MBD5: variants seen among roughly 807,000 people sequenced by gnomAD.
The protein encoded by MBD5 is methyl-CpG-binding domain protein 5.
Under a neutral mutation model 117.3 loss-of-function variants are expected in MBD5, and 13 were observed. The ratio of observed to expected loss-of-function variants is 0.11; its 90% CI spans 0.07 to 0.18. The LOEUF (loss-of-function observed/expected upper bound fraction) is 0.18. Ranked by LOEUF, MBD5 falls within the 10% of genes least tolerant of loss-of-function variation. The pLI, the probability that MBD5 is intolerant of heterozygous loss-of-function variation, is 1.00. For synonymous variants in MBD5, 727 were observed against 766.4 expected, an observed-to-expected ratio of 0.95 and a Z score of 0.85; for missense variants, 1,879 against 2,093.8, an observed-to-expected ratio of 0.90 and a Z score of 2.00.
At chr2:148,258,750 A>G (rs1281898057) in intron 3 of MBD5, among the ~76,000 whole-genome samples, 4 of 152,076 alleles carry the variant, frequency 2.6e-5, no homozygotes, top group African/African-American at 4.8e-5. Context: ...CTCTTGGTCA[A>G]CCCCAGCCAA....
intron 4 of MBD5, among the ~76,000 whole-genome samples, chr2:148,441,309 T>A (rs1471955220): frequency 6.6e-6 from 1 of 152,088 alleles, no homozygotes; most frequent in African/African-American, 2.4e-5. Flanking sequence ...ACTGTGTCCA[T>A]GCGTTCTCAT....
At chr2:148,480,992 A>T (rs1681131747) in intron 8 of MBD5, among the ~76,000 whole-genome samples, 2 of 152,170 alleles carry the variant, frequency 1.3e-5, no homozygotes, top group South Asian at 4.1e-4. Flanking sequence ...CAGCACCACT[A>T]CTATGACTAC....
intron 1 of MBD5, among the ~76,000 whole-genome samples, chr2:148,095,648 C>T (rs1696050379): frequency 1.3e-5 from 2 of 151,784 alleles, no homozygotes; most frequent in South Asian, 4.2e-4. Context: ...CAGATGTGCA[C>T]ATTTATATAG....
chr2:148,251,122 G>A (rs948639223), intron 3 of MBD5, among the ~76,000 whole-genome samples: 3 of 152,066 alleles, frequency 2.0e-5, no homozygotes, highest in East Asian at 1.9e-4. Context: ...AAAGGGTGTC[G>A]GGCAAAAGGG....
intron 4 of MBD5, among the ~76,000 whole-genome samples, chr2:148,381,656 T>A (rs1253785216): frequency 2.6e-5 from 4 of 152,020 alleles, no homozygotes; most frequent in Non-Finnish European, 5.9e-5. Context: ...CACATAATTA[T>A]CAGATTTACC....
chr2:148,093,044 C>T (rs751626769), intron 1 of MBD5, among the ~76,000 whole-genome samples: 21 of 151,722 alleles, frequency 1.4e-4, no homozygotes, highest in Non-Finnish European at 2.8e-4. Context: ...CAGCCTCTCG[C>T]GTAGGTGGGA....
At chr2:148,447,381 T>C (rs1706593468) in intron 4 of MBD5, among the ~76,000 whole-genome samples, 1 of 152,180 alleles carries the variant, frequency 6.6e-6, no homozygotes, top group African/African-American at 2.4e-5. Flanking sequence ...CTTATGGTTT[T>C]AGCTGGCTTA....
At chr2:148,306,535 C>G (rs1014900139) in intron 3 of MBD5, among the ~76,000 whole-genome samples, 1 of 151,806 alleles carries the variant, frequency 6.6e-6, no homozygotes, top group African/African-American at 2.4e-5. Context: ...AGAGATTAGG[C>G]AGGGAGAAAA....
chr2:148,077,820 A>AATC, intron 1 of MBD5, among the ~76,000 whole-genome samples: 1 of 152,270 alleles, frequency 6.6e-6, no homozygotes, highest in Middle Eastern at 3.4e-3. Context: ...GGGTAGGGTG[A>AATC]ACAACAGGAA....
Position 148,516,894 on chromosome 2 carries a change from G to A in MBD5, c.*3953G>A, listed in dbSNP as rs750366058. 3 of 152,240 alleles carry A rather than the reference G, an allele frequency of 2.0e-5. No individual in the cohort carries two copies. Among genetic ancestry groups the A allele is most frequent in the Non-Finnish European group, 4.4e-5 (3 of 68,018 alleles). 9.4% of individuals were successfully genotyped at this position (152,240 alleles called of 1,614,324 possible). A position where few individuals can be genotyped will look rare whatever the true frequency, so the allele number is the denominator to read the frequency against. The stretch of plus-strand genomic sequence containing the variant: ...TAAATTGGAAAATTTGATGCCAGAT[G>A]GCTTCATAATATACAAATGTGTTTT... On this transcript the variant is annotated 3_prime_UTR_variant, in exon 14 of 14. Coordinates refer to ENST00000642680, the MANE Select transcript of MBD5 (RefSeq NM_001378120.1).
rs1019292988 is a variant in MBD5, at chr2:148,067,412, A to T, written c.-925+45728A>T. Among the ~76,000 whole-genome samples the T allele has an allele frequency of 5.9e-5, 9 of 152,298 alleles. No homozygotes were observed. In the South Asian group the frequency reaches 8.3e-4, roughly 14 times the overall value. On this transcript the variant is annotated intron_variant, in intron 1 of 13. Coordinates refer to ENST00000642680, the MANE Select transcript of MBD5 (RefSeq NM_001378120.1). ...AGAGCAAGCTAAACAAAACTTTAAG[A>T]TTTTAGTAAACATTTTATTTGCCAA...
intron 3 of MBD5, among the ~76,000 whole-genome samples, chr2:148,336,850 T>C (rs1358384525): frequency 6.6e-6 from 1 of 152,230 alleles, no homozygotes; most frequent in African/African-American, 2.4e-5. Context: ...CATCTACTTA[T>C]GTCAGTTCCG....
At chr2:148,350,717 T>C (rs1428190299) in intron 4 of MBD5, among the ~76,000 whole-genome samples, 3 of 152,062 alleles carry the variant, frequency 2.0e-5, no homozygotes, top group Non-Finnish European at 4.4e-5. Context: ...TTAGCATCTA[T>C]CCTGCTAAAA....
intron 4 of MBD5, among the ~76,000 whole-genome samples, chr2:148,452,807 C>T (rs993279907): frequency 6.6e-6 from 1 of 152,120 alleles, no homozygotes; most frequent in Non-Finnish European, 1.5e-5. Context: ...TTTTTGAACA[C>T]AGAAATTATC....
chr2:148,117,124 A>G (rs1450215625), intron 1 of MBD5, among the ~76,000 whole-genome samples: 1 of 152,172 alleles, frequency 6.6e-6, no homozygotes, highest in Non-Finnish European at 1.5e-5. Context: ...ATAACTAACA[A>G]ATAATTTTCC....
chr2:148,382,787 T>C (rs1425941848), intron 4 of MBD5, among the ~76,000 whole-genome samples: 3 of 151,970 alleles, frequency 2.0e-5, no homozygotes, highest in African/African-American at 4.8e-5. Context: ...AACTAGAACT[T>C]GGGATTAAGA....
intron 2 of MBD5, among the ~76,000 whole-genome samples, chr2:148,225,662 G>A (rs1699801243): frequency 6.6e-6 from 1 of 152,104 alleles, no homozygotes; most frequent in South Asian, 2.1e-4. Flanking sequence ...AAATCCCTAA[G>A]CTTTTGTTTG....
chr2:148,401,540 C>G (rs1704921624), intron 4 of MBD5, among the ~76,000 whole-genome samples: 1 of 152,084 alleles, frequency 6.6e-6, no homozygotes, highest in Non-Finnish European at 1.5e-5. Flanking sequence ...AGATCTGCTA[C>G]TATTTCTTCA....
intron 1 of MBD5, among the ~76,000 whole-genome samples, chr2:148,153,412 T>C (rs1697752090): frequency 6.8e-6 from 1 of 148,014 alleles, no homozygotes; most frequent in African/African-American, 2.5e-5. Context: ...CTGACAATTA[T>C]GTGTCTTGGA....
Sources: gnomAD v4.1 joint callset for allele counts (sites outside exome capture counted in the v4.1 genomes callset) on GRCh38, gnomAD v4.1.1 for gene constraint, MANE v1.5 for transcripts, NCBI Gene and HGNC (gene_info 2026-07-23, HGNC 2026-07-21) for gene names.